ZFPM2: variants seen among roughly 807,000 people sequenced by gnomAD.
ZFPM2 encodes the protein zinc finger protein ZFPM2.
A neutral mutation model predicts 98.6 loss-of-function variants in ZFPM2; 20 were observed. That is an observed-to-expected ratio of 0.20 (90% confidence interval 0.14 to 0.29). The LOEUF is 0.29. ZFPM2 is among the 10% of genes least tolerant of loss of function. ZFPM2 has a pLI of 1.00. For missense variants in ZFPM2, 1,310 were observed against 1,388.6 expected, an observed-to-expected ratio of 0.94 and a Z score of 0.90; for synonymous variants, 518 against 502.7, an observed-to-expected ratio of 1.03 and a Z score of -0.41.
At chr8:105,749,662 G>C (rs1371743353) in intron 5 of ZFPM2, among the ~76,000 whole-genome samples, 1 of 150,460 alleles carries the variant, frequency 6.6e-6, no homozygotes, top group Non-Finnish European at 1.5e-5. Context: ...ATATTGCTTT[G>C]TTTTTTTTTA....
chr8:105,460,394 A>G (rs1484324459), intron 3 of ZFPM2, among the ~76,000 whole-genome samples: 2 of 152,164 alleles, frequency 1.3e-5, no homozygotes, highest in Non-Finnish European at 1.5e-5. Context: ...AAACCCAGAG[A>G]AGGAGGCATC....
intron 5 of ZFPM2, among the ~76,000 whole-genome samples, chr8:105,735,980 G>T (rs1246355816): frequency 6.6e-6 from 1 of 151,904 alleles, no homozygotes; most frequent in Non-Finnish European, 1.5e-5. Flanking sequence ...ATTACTCTAT[G>T]GGAAATTTTG....
intron 1 of ZFPM2, among the ~76,000 whole-genome samples, chr8:105,410,254 T>C (rs1218406381): frequency 6.6e-6 from 1 of 151,966 alleles, no homozygotes; most frequent in Non-Finnish European, 1.5e-5. Context: ...GAATTGATTA[T>C]CTTTTCTTCA....
At chr8:105,514,988 T>G (rs981014653) in intron 3 of ZFPM2, among the ~76,000 whole-genome samples, 5 of 152,000 alleles carry the variant, frequency 3.3e-5, no homozygotes, top group Admixed American at 3.3e-4. Flanking sequence ...ATTAACTTAC[T>G]GACCTGTTAG....
intron 3 of ZFPM2, among the ~76,000 whole-genome samples, chr8:105,546,340 G>C (rs1021149878): frequency 2.0e-5 from 3 of 152,070 alleles, no homozygotes; most frequent in African/African-American, 7.2e-5. Flanking sequence ...ACTTTGGGAG[G>C]CTGAGGCGGG....
intron 1 of ZFPM2, among the ~76,000 whole-genome samples, chr8:105,388,439 T>C (rs4734860): frequency 0.47 from 71,491 of 152,030 alleles, 17,995 homozygotes; most frequent in Middle Eastern, 0.57. Context: ...TCGTGAAAGA[T>C]GAGAAGGCAT....
intron 5 of ZFPM2, among the ~76,000 whole-genome samples, chr8:105,767,008 C>T (rs1812867663): frequency 6.6e-6 from 1 of 151,844 alleles, no homozygotes; most frequent in African/African-American, 2.4e-5. Context: ...GCTTATTCTG[C>T]CATCAGTGAG....
intron 4 of ZFPM2, among the ~76,000 whole-genome samples, chr8:105,622,511 A>G (rs1816572585): frequency 6.6e-6 from 1 of 152,162 alleles, no homozygotes; most frequent in African/African-American, 2.4e-5. Flanking sequence ...AAAACTAGCA[A>G]CAACAAGATT....
At chr8:105,507,875 T>C (rs947816460) in intron 3 of ZFPM2, among the ~76,000 whole-genome samples, 11 of 152,172 alleles carry the variant, frequency 7.2e-5, no homozygotes, top group Admixed American at 3.9e-4. Context: ...TAATTGAAAC[T>C]GATGAGTAGG....
chr8:105,563,872 A>C (rs1241100448), intron 4 of ZFPM2, among the ~76,000 whole-genome samples: 1 of 152,144 alleles, frequency 6.6e-6, no homozygotes, highest in African/African-American at 2.4e-5. Context: ...ACACTGTATC[A>C]GCTATAGTTG....
At chr8:105,437,580 C>G (rs1444945893) in intron 2 of ZFPM2, among the ~76,000 whole-genome samples, 1 of 152,184 alleles carries the variant, frequency 6.6e-6, no homozygotes, top group Admixed American at 6.5e-5. Context: ...AGTCGAAGTA[C>G]TTTTCAAACT....
intron 2 of ZFPM2, among the ~76,000 whole-genome samples, chr8:105,425,259 A>G (rs376456809): frequency 7.2e-4 from 110 of 152,302 alleles, no homozygotes; most frequent in African/African-American, 2.4e-3. Context: ...TGGCCACGAC[A>G]TAGTTTGTAT....
intron 1 of ZFPM2, among the ~76,000 whole-genome samples, chr8:105,394,211 A>T (rs1811176566): frequency 6.6e-6 from 1 of 152,040 alleles, no homozygotes; most frequent in African/African-American, 2.4e-5. Flanking sequence ...AAATATTTCT[A>T]ACTGCTGTTT....
rs1219688889 is a variant in ZFPM2, at chr8:105,593,551, C to A, written c.420+32070C>A. ...TCCCAAATCTGCTGTCCGCAGCTGT[C>A]CCCAATTTCTAATGTTTCTGTCCTC... On this transcript the variant is annotated intron_variant, in intron 4 of 7. Transcript: ENST00000407775. Among the ~76,000 whole-genome samples, 3 of 151,954 alleles carry A rather than the reference C, an allele frequency of 2.0e-5. No individual in the cohort carries two copies. In the East Asian group the frequency reaches 5.8e-4, roughly 30 times the overall value.
chr8:105,454,269 G>A (rs187624319), intron 3 of ZFPM2, among the ~76,000 whole-genome samples: 78 of 151,606 alleles, frequency 5.1e-4, no homozygotes, highest in Middle Eastern at 3.4e-3. Flanking sequence ...TTGCATCCTG[G>A]TGGTGTTGTG....
chr8:105,543,046 T>C lies in ZFPM2; in HGVS notation c.302-18317T>C, dbSNP rs1379039444. ...TTTACTTGCTGTTTAAAGTGAACAT[T>C]GAAATGCATAATTAAAGGCAATACA... On this transcript the variant is annotated intron_variant, in intron 3 of 7. Coordinates refer to ENST00000407775, the MANE Select transcript of ZFPM2 (RefSeq NM_012082.4). 1.1e-4 allele frequency among the ~76,000 whole-genome samples: 17 copies of C among 152,186 alleles called. No individual in the cohort carries two copies. In the East Asian group the frequency reaches 3.3e-3, roughly 29 times the overall value.
intron 1 of ZFPM2, among the ~76,000 whole-genome samples, chr8:105,357,155 C>G (rs748308610): frequency 2.6e-5 from 4 of 152,094 alleles, no homozygotes; most frequent in Non-Finnish European, 5.9e-5. Context: ...TGCCTCTTGC[C>G]TTTGTTCATA....
intron 4 of ZFPM2, among the ~76,000 whole-genome samples, chr8:105,573,629 GATTA>G (rs1815403103): frequency 6.6e-6 from 1 of 152,130 alleles, no homozygotes; most frequent in African/African-American, 2.4e-5. Flanking sequence ...GTGGCTTCCT[GATTA>G]ATTTATTTAG....
At chr8:105,515,252 T>G (rs1401269187) in intron 3 of ZFPM2, among the ~76,000 whole-genome samples, 1 of 152,264 alleles carries the variant, frequency 6.6e-6, no homozygotes, top group East Asian at 1.9e-4. Context: ...ATTTTTCTCA[T>G]GCAAATATTG....
Sources: allele counts gnomAD v4.1 joint callset (sites outside exome capture counted in the v4.1 genomes callset), GRCh38; gene constraint gnomAD v4.1.1; transcripts MANE v1.5; gene names NCBI Gene and HGNC (gene_info 2026-07-23, HGNC 2026-07-21).